The following ZNF221 variants were observed in gnomAD, a reference collection of about 807,000 sequenced individuals.
ZNF221 encodes zinc finger protein 221.
Under a neutral mutation model 12.6 loss-of-function variants are expected in ZNF221, and 10 were observed. That is an observed-to-expected ratio of 0.79 (90% CI 0.49 to 1.34). The LOEUF is 1.34. Among genes scored for constraint, ZNF221 ranks in the 40% most tolerant of loss-of-function variants. The pLI is 0.00. For synonymous variants in ZNF221, 232 were observed against 244.0 expected, an observed-to-expected ratio of 0.95 and a Z score of 0.46; for missense variants, 661 against 721.4, an observed-to-expected ratio of 0.92 and a Z score of 0.96.
chr19:43,970,757 T>C (rs930603184), downstream of ZNF221, among the ~76,000 whole-genome samples: 1 of 151,898 alleles, frequency 6.6e-6, no homozygotes, highest in Non-Finnish European at 1.5e-5. Flanking sequence ...AAAAAAAATA[T>C]GGAGTTATGT....
At chr19:43,959,024 C>G (rs924457355) in intron 1 of ZNF221, among the ~76,000 whole-genome samples, 3 of 151,604 alleles carry the variant, frequency 2.0e-5, no homozygotes, top group African/African-American at 7.3e-5. Flanking sequence ...GTGTCTGCAT[C>G]AGGTGTTTAC....
intron 1 of ZNF221, among the ~76,000 whole-genome samples, chr19:43,952,157 GCCA>G (rs1324280193): frequency 1.3e-5 from 2 of 151,902 alleles, no homozygotes; most frequent in African/African-American, 2.4e-5. Flanking sequence ...ACAGGCGTGA[GCCA>G]CCGCGCCCGG....
intron 1 of ZNF221, among the ~76,000 whole-genome samples, chr19:43,960,584 C>T (rs1435040407): frequency 6.6e-6 from 1 of 152,122 alleles, no homozygotes; most frequent in East Asian, 1.9e-4. Flanking sequence ...GCCTAGGGGC[C>T]TAGGAGAAAA....
At chr19:43,977,612 A>T in the ZNF221 span, among the ~76,000 whole-genome samples, 1 of 152,208 alleles carries the variant, frequency 6.6e-6, no homozygotes, top group African/African-American at 2.4e-5. Context: ...AATGCGCATG[A>T]TCAGGGAACT....
Position 43,965,906 on chromosome 19 carries a change from G to A in ZNF221, c.404G>A (p.Arg135Lys). 6.2e-7 allele frequency: 1 copy of A among 1,614,160 alleles called. No homozygotes were observed. The highest frequency in any genetic ancestry group is 1.3e-5 in the African/African-American group (1 of 75,038). ...IWEQIASDLT[R>K]SQNSIRNSSQ... Reference sequence around the variant, plus strand: ...GAACAAATTGCAAGTGACCTAACCAGGTCTCAAAACTCCATAAGGAACAGC... The same window carrying A: ...GAACAAATTGCAAGTGACCTAACCAAGTCTCAAAACTCCATAAGGAACAGC... The change falls in exon 5 of 5, where the codon AGG (arginine) becomes AAG (lysine). Residue 135 changes from arginine (R) to lysine (K), a missense_variant. Physicochemically the swap from Arg to Lys is conservative, Grantham distance 26. Transcript: ENST00000587682.
At chr19:43,971,007 A>G (rs984585260), downstream of ZNF221, among the ~76,000 whole-genome samples, 1 of 152,234 alleles carries the variant, frequency 6.6e-6, no homozygotes, top group African/African-American at 2.4e-5. Flanking sequence ...AAGGGCAGTC[A>G]GAGAGAATGA....
Position 43,966,960 on chromosome 19 carries a change from C to G in ZNF221, c.1458C>G (p.Ser486Arg), listed in dbSNP as rs1248582590. The G allele has an allele frequency of 1.9e-6, 3 of 1,614,148 alleles. No homozygotes were observed. In the South Asian group the frequency reaches 3.3e-5, roughly 18 times the overall value. ...ATAATTGTAAGGAATGTGGCAAGAGCTTTGGCTGGGCCTCCTGTCTTTTGA... is the reference window on the plus strand; with the variant it reads ...ATAATTGTAAGGAATGTGGCAAGAGGTTTGGCTGGGCCTCCTGTCTTTTGA... The part of the protein sequence containing the change: ...RPYNCKECGK[S>R]FGWASCLLKH... The change falls in exon 5 of 5, where the codon AGC becomes AGG. Residue 486 changes from serine to arginine, a missense_variant. Transcript: ENST00000587682.
downstream of ZNF221, among the ~76,000 whole-genome samples, chr19:43,970,306 T>C (rs530776134): frequency 2.0e-5 from 3 of 152,066 alleles, no homozygotes; most frequent in Non-Finnish European, 4.4e-5. Flanking sequence ...CCCACAGATA[T>C]GATAAAAAGT....
In ZNF221 at chr19:43,965,263, A is replaced by G. The variant is rs745750160; in HGVS notation, c.239A>G (p.His80Arg). ...CAACCATTCCACCAAGATACTTTCC[A>G]CTTCTTAGGGAAGGAAAAGTTTTGG... Reference protein sequence around the residue: ...GNQPFHQDTFHFLGKEKFWKM... With the variant: ...GNQPFHQDTFRFLGKEKFWKM... The change falls in exon 4 of 5, where the codon CAC (histidine) becomes CGC (arginine). Residue 80 changes from histidine to arginine, a missense_variant. Physicochemically the swap from His to Arg is conservative, Grantham distance 29. Coordinates refer to ENST00000587682, the MANE Select transcript of ZNF221 (RefSeq NM_001297588.2). 2 of 1,613,464 alleles carry G rather than the reference A, an allele frequency of 1.2e-6. No homozygotes were observed. Among genetic ancestry groups the G allele is most frequent in the Non-Finnish European group, 1.7e-6 (2 of 1,179,696 alleles).
In ZNF221 at chr19:43,957,416, A is replaced by G. The variant is rs1004883497; in HGVS notation, c.-2-5309A>G. ...TTGAACTCCTGACCTCAGGTGATCTACCCACCTTGGCCTCTCAAAGTGCTG... is the reference window on the plus strand; with the variant it reads ...TTGAACTCCTGACCTCAGGTGATCTGCCCACCTTGGCCTCTCAAAGTGCTG... On this transcript the variant is annotated intron_variant, in intron 1 of 4. Transcript: ENST00000587682. Among the ~76,000 whole-genome samples, 3 of 152,008 alleles carry G rather than the reference A, an allele frequency of 2.0e-5. No homozygotes were observed. The East Asian group carries it at 5.8e-4, about 29-fold the overall frequency.
chr19:43,962,646 A>G, intron 1 of ZNF221, 79 bp from the exon 2 acceptor site: 1 of 1,379,612 alleles, frequency 7.2e-7, no homozygotes, highest in South Asian at 1.2e-5. Flanking sequence ...GCTAATTGAA[A>G]ATACTTGTCT....
intron 1 of ZNF221, among the ~76,000 whole-genome samples, chr19:43,952,153 G>A (rs1281951023): frequency 2.0e-5 from 3 of 151,836 alleles, no homozygotes; most frequent in African/African-American, 7.3e-5. Context: ...GATTACAGGC[G>A]TGAGCCACCG....
At position 43,967,209 on chromosome 19, in the gene ZNF221, G is replaced by A; in HGVS notation, c.1707G>A (p.Lys569=). The change falls in exon 5 of 5, where the codon AAG becomes AAA. Residue 569 remains lysine (K), a synonymous_variant. Coordinates refer to ENST00000587682, the MANE Select transcript of ZNF221 (RefSeq NM_001297588.2). ...CCTATAATTGTAAGGAATGTGGAAA[G>A]AGCTTTGGCTGGGCTTCATGTCTTT... ...ERPYNCKECG[K]SFGWASCLLK... 6.2e-7 allele frequency: 1 copy of A among 1,614,114 alleles called. No individual in the cohort carries two copies. The highest frequency in any genetic ancestry group is 8.5e-7 in the Non-Finnish European group (1 of 1,179,986).
At chr19:43,964,859 AC>A in intron 2 of ZNF221, 90 bp from the exon 3 acceptor site, 1 of 1,541,296 alleles carries the variant, frequency 6.5e-7, no homozygotes, top group Non-Finnish European at 8.9e-7. Flanking sequence ...AGGACAACTT[AC>A]CACACCTGTC....
chr19:43,960,938 C>A (rs866552020), intron 1 of ZNF221, among the ~76,000 whole-genome samples: 1 of 152,192 alleles, frequency 6.6e-6, no homozygotes, highest in Non-Finnish European at 1.5e-5. Context: ...TGTGAGGGCT[C>A]CCCACAGAGT....
chr19:43,960,227 T>C (rs1568475841), intron 1 of ZNF221: 1 of 152,196 alleles, frequency 6.6e-6, no homozygotes, highest in Non-Finnish European at 1.5e-5. Context: ...TAACTTAGGG[T>C]ACCTGGCAAA....
rs1358600374 is a variant in ZNF221 at position 43,967,085 on chromosome 19, A to G, written c.1583A>G (p.His528Arg). ...SSQLHSHQTC[H>R]TGEKLYKCEQ... The stretch of plus-strand genomic sequence containing the variant: ...CAACTTCATTCCCATCAGACATGCC[A>G]TACTGGAGAAAAGCTATACAAATGT... The change falls in exon 5 of 5, where the codon CAT becomes CGT. Residue 528 changes from histidine (H) to arginine (R), a missense_variant. Coordinates refer to ENST00000587682, the MANE Select transcript of ZNF221 (RefSeq NM_001297588.2). 1 of 1,596,228 alleles carries G rather than the reference A, an allele frequency of 6.3e-7. No homozygotes were observed. The highest frequency in any genetic ancestry group is 1.1e-5 in the South Asian group (1 of 89,230).
In ZNF221 at chr19:43,953,966, C is replaced by T. The variant is rs148318820; in HGVS notation, c.-3+2566C>T. Among the ~76,000 whole-genome samples, 233 of 151,682 alleles carry T rather than the reference C, an allele frequency of 1.5e-3. 1 individual carries two copies. The highest frequency in any genetic ancestry group is 6.8e-3 in the Middle Eastern group (2 of 294). The stretch of plus-strand genomic sequence containing the variant: ...GTATGGTGGCACATGCCTGTAGTCC[C>T]AGCTACTCGGGAGGCTGAGACAGGA... On this transcript the variant is annotated intron_variant, in intron 1 of 4. Coordinates refer to ENST00000587682, the MANE Select transcript of ZNF221 (RefSeq NM_001297588.2).
At chr19:43,965,539 T>C (rs78195138) in intron 4 of ZNF221, among the ~76,000 whole-genome samples, 1,883 of 152,350 alleles carry the variant, frequency 0.012, 103 homozygotes, top group Admixed American at 0.086. Context: ...GACTAGGAAA[T>C]TTACCAGAAT....
Sources: allele counts gnomAD v4.1 joint callset (sites outside exome capture counted in the v4.1 genomes callset), GRCh38; gene constraint gnomAD v4.1.1; transcripts MANE v1.5; gene names NCBI Gene and HGNC (gene_info 2026-07-23, HGNC 2026-07-21).